MPP7: variants seen among roughly 807,000 people sequenced by gnomAD.
MPP7 encodes the protein MAGUK p55 subfamily member 7.
In MPP7, 60 loss-of-function variants were observed where a neutral mutation model predicts 76.5. That is an observed-to-expected ratio of 0.78 (90% CI 0.64 to 0.97). The LOEUF is 0.97. MPP7 is among the 50% of genes least tolerant of loss of function. MPP7 has a pLI of 0.00. For synonymous variants in MPP7, 237 were observed against 244.5 expected, an observed-to-expected ratio of 0.97 and a Z score of 0.29; for missense variants, 641 against 694.0, an observed-to-expected ratio of 0.92 and a Z score of 0.86.
At chr10:28,244,399 C>T (rs796604259) in intron 1 of MPP7, among the ~76,000 whole-genome samples, 5 of 152,162 alleles carry the variant, frequency 3.3e-5, no homozygotes, top group African/African-American at 1.2e-4. Context: ...TCAGACTCGT[C>T]ACTATACATA....
chr10:28,296,374 C>T (rs1044626123), intron 1 of MPP7, among the ~76,000 whole-genome samples: 2 of 152,226 alleles, frequency 1.3e-5, no homozygotes, highest in Non-Finnish European at 1.5e-5. Context: ...TATTGCTCTC[C>T]TCCCCACCCA....
chr10:28,311,703 CA>C (rs1430276744), intron 2 of MPP7, among the ~76,000 whole-genome samples: 4 of 151,794 alleles, frequency 2.6e-5, no homozygotes, highest in African/African-American at 9.7e-5. Flanking sequence ...GGCAACATAG[CA>C]AGACCCCATC....
At chr10:28,066,050 G>A (rs1325124453) in intron 13 of MPP7, among the ~76,000 whole-genome samples, 1 of 152,134 alleles carries the variant, frequency 6.6e-6, no homozygotes, top group East Asian at 1.9e-4. Flanking sequence ...TTAAAACAAT[G>A]TTGATGTTGC....
At chr10:28,307,684 T>C (rs1051170698), upstream of MPP7, 14 of 152,220 alleles carry the variant, frequency 9.2e-5, no homozygotes, top group African/African-American at 3.4e-4. Flanking sequence ...TTAATTTTAA[T>C]GTAAATGCCA....
At chr10:28,072,166 C>T (rs778955014) in intron 12 of MPP7, among the ~76,000 whole-genome samples, 17 of 151,980 alleles carry the variant, frequency 1.1e-4, no homozygotes, top group Non-Finnish European at 2.2e-4. Context: ...CCCAGCTACT[C>T]GGGAGGCTGA....
At chr10:28,222,628 C>T (rs1838548888) in intron 2 of MPP7, among the ~76,000 whole-genome samples, 3 of 152,092 alleles carry the variant, frequency 2.0e-5, no homozygotes, top group Middle Eastern at 3.4e-3. Flanking sequence ...CCGAGGCAGG[C>T]GGTCACGAGG....
chr10:28,132,108 T>G (rs1835212560), intron 5 of MPP7, among the ~76,000 whole-genome samples: 2 of 152,316 alleles, frequency 1.3e-5, no homozygotes, highest in South Asian at 2.1e-4. Flanking sequence ...TATTCTATAT[T>G]TTGTTCTTTC....
intron 1 of MPP7, among the ~76,000 whole-genome samples, chr10:28,271,320 T>C (rs917415830): frequency 6.6e-6 from 1 of 152,218 alleles, no homozygotes; most frequent in Non-Finnish European, 1.5e-5. Context: ...ACAGGATTTA[T>C]AATACTATCA....
intron 11 of MPP7, among the ~76,000 whole-genome samples, chr10:28,095,472 A>C (rs1416616281): frequency 6.6e-6 from 1 of 152,114 alleles, no homozygotes; most frequent in African/African-American, 2.4e-5. Context: ...ATGTCCTTCA[A>C]GGCAGTACAG....
intron 3 of MPP7, 117 bp downstream of exon 3, chr10:28,202,033 ATGG>A: frequency 1.4e-6 from 1 of 701,786 alleles, no homozygotes; most frequent in Middle Eastern, 2.5e-4. Flanking sequence ...CCGTCGGTGA[ATGG>A]AACAAGGCTG....
At chr10:28,241,944 CACTCTGGGTA>C (rs1242717646) in intron 1 of MPP7, among the ~76,000 whole-genome samples, 3 of 152,090 alleles carry the variant, frequency 2.0e-5, no homozygotes, top group African/African-American at 7.2e-5. Flanking sequence ...AATTTCTACC[CACTCTGGGTA>C]ACTCTTAATG....
intron 1 of MPP7, among the ~76,000 whole-genome samples, chr10:28,241,004 C>T (rs1027129272): frequency 6.6e-6 from 1 of 151,898 alleles, no homozygotes; most frequent in Admixed American, 6.6e-5. Flanking sequence ...TGAGAAAAGC[C>T]TAAATTTATA....
At chr10:28,182,895 T>C (rs894364946) in intron 3 of MPP7, among the ~76,000 whole-genome samples, 2 of 152,258 alleles carry the variant, frequency 1.3e-5, no homozygotes, top group East Asian at 1.9e-4. Flanking sequence ...CTGACCAACA[T>C]GGAGAAACCC....
At chr10:28,314,543 G>A (rs1841308179) in intron 2 of MPP7, among the ~76,000 whole-genome samples, 1 of 152,208 alleles carries the variant, frequency 6.6e-6, no homozygotes, top group Non-Finnish European at 1.5e-5. Flanking sequence ...CTAGAATGAA[G>A]TCCAAACGAT....
At chr10:28,210,174 G>A (rs149946214) in intron 2 of MPP7, among the ~76,000 whole-genome samples, 7 of 152,248 alleles carry the variant, frequency 4.6e-5, no homozygotes, top group Non-Finnish European at 8.8e-5. Context: ...GGTTCTCCAC[G>A]TTGCAGATGG....
intron 2 of MPP7, among the ~76,000 whole-genome samples, chr10:28,213,171 C>T (rs952209180): frequency 2.6e-5 from 4 of 152,056 alleles, no homozygotes; most frequent in Non-Finnish European, 5.9e-5. Context: ...AACGCCTAAA[C>T]TCAAGCAATC....
intron 5 of MPP7, among the ~76,000 whole-genome samples, chr10:28,143,902 TGAGA>T (rs1835617595): frequency 7.8e-6 from 1 of 127,696 alleles, no homozygotes; most frequent in African/African-American, 3.2e-5. Context: ...TGTGTGTGTG[TGAGA>T]CTGAGTTTCA....
intron 1 of MPP7, among the ~76,000 whole-genome samples, chr10:28,262,696 A>G (rs1479588278): frequency 6.6e-6 from 1 of 152,216 alleles, no homozygotes; most frequent in Admixed American, 6.5e-5. Flanking sequence ...TAGACTCTAA[A>G]GTCCAATCAT....
chr10:28,126,506 A>G (rs1253936882), intron 6 of MPP7, among the ~76,000 whole-genome samples: 1 of 152,242 alleles, frequency 6.6e-6, no homozygotes, highest in Non-Finnish European at 1.5e-5. Context: ...GTCTAAGATC[A>G]GATAACTAGT....
Sources: allele counts gnomAD v4.1 joint callset (sites outside exome capture counted in the v4.1 genomes callset), GRCh38; gene constraint gnomAD v4.1.1; transcripts MANE v1.5; gene names NCBI Gene and HGNC (gene_info 2026-07-23, HGNC 2026-07-21).